Variants in RIMBP2 observed in about 807,000 individuals in gnomAD.
RIMBP2 encodes RIMS-binding protein 2.
A neutral mutation model predicts 118.6 loss-of-function variants in RIMBP2; 48 were observed. The ratio of observed to expected loss-of-function variants is 0.40; its 90% CI spans 0.32 to 0.51. RIMBP2 has a LOEUF of 0.51. Among genes scored for constraint, RIMBP2 ranks in the 20% least tolerant of loss-of-function variants. RIMBP2 has a pLI of 0.41. For missense variants in RIMBP2, 1,551 were observed against 1,768.3 expected (o/e 0.88, Z 2.20); for synonymous variants, 762 against 742.9 (o/e 1.03, Z -0.42).
At chr12:130,634,345 C>T (rs532787207) in intron 1 of RIMBP2, among the ~76,000 whole-genome samples, 2 of 152,234 alleles carry the variant, frequency 1.3e-5, no homozygotes, top group East Asian at 1.9e-4. Context: ...AGTGAGGAAG[C>T]GGGAGGAAAA....
intron 2 of RIMBP2, among the ~76,000 whole-genome samples, chr12:130,545,166 C>T (rs2054997546): frequency 6.6e-6 from 1 of 152,094 alleles, no homozygotes; most frequent in Non-Finnish European, 1.5e-5. Flanking sequence ...TTTTTAAAAA[C>T]AAGACTGTAA....
At position 130,576,721 on chromosome 12, in the gene RIMBP2, C is replaced by T. The variant is rs907831757; in HGVS notation, c.-217+51601G>A. Among the ~76,000 whole-genome samples the T allele has an allele frequency of 1.3e-5, 2 of 152,182 alleles. No individual in the cohort carries two copies. The highest frequency in any genetic ancestry group is 4.8e-5 in the African/African-American group (2 of 41,450). On this transcript the variant is annotated intron_variant, in intron 2 of 22. Transcript: ENST00000690449. This position sits in a 1 kb window ranked among gnomAD's most constrained non-coding sequence, Gnocchi z 4.2. ...ACTGCCAGCAGCAGCGAGGAGGAGC[C>T]CCGCCGAGCGCCGAGAGGCATATGT...
intron 2 of RIMBP2, among the ~76,000 whole-genome samples, chr12:130,566,720 C>T (rs1404537940): frequency 6.6e-6 from 1 of 152,262 alleles, no homozygotes; most frequent in African/African-American, 2.4e-5. Flanking sequence ...CCAGACCAGG[C>T]AGCCAGGCTG....
At chr12:130,567,696 C>G (rs77030653) in intron 2 of RIMBP2, among the ~76,000 whole-genome samples, 49 of 152,346 alleles carry the variant, frequency 3.2e-4, no homozygotes, top group South Asian at 1.4e-3. Flanking sequence ...GCAGCCACAG[C>G]GGCCAACACC....
At chr12:130,481,492 T>C (rs1028604994) in intron 4 of RIMBP2, among the ~76,000 whole-genome samples, 1 of 152,148 alleles carries the variant, frequency 6.6e-6, no homozygotes, top group African/African-American at 2.4e-5. Context: ...CTCGGCATCC[T>C]CTCTGCTGTC....
chr12:130,669,242 C>T (rs9805105), intron 1 of RIMBP2: 30,218 of 152,182 alleles, frequency 0.2, 3,427 homozygotes, highest in East Asian at 0.29. Context: ...GCAGTGTTCA[C>T]GGCACAGCAT....
intron 12 of RIMBP2, 131 bp from the exon 13 acceptor site, chr12:130,437,422 A>T: frequency 1.4e-6 from 1 of 718,842 alleles, no homozygotes; most frequent in Non-Finnish European, 2.3e-6. Context: ...GACTCCAACC[A>T]CCCGCCAGGT....
chr12:130,522,979 A>G (rs2052327042), intron 2 of RIMBP2, among the ~76,000 whole-genome samples: 1 of 149,720 alleles, frequency 6.7e-6, no homozygotes, highest in South Asian at 2.1e-4. Flanking sequence ...TCTCAGTCTC[A>G]CTCTGCCTCG....
intron 2 of RIMBP2, among the ~76,000 whole-genome samples, chr12:130,550,196 TCTA>T (rs1357878044): frequency 1.6e-4 from 24 of 152,330 alleles, no homozygotes; most frequent in African/African-American, 5.8e-4. Flanking sequence ...AGAAGGGATG[TCTA>T]CTGCATCAAC....
chr12:130,624,698 T>C lies in RIMBP2; in HGVS notation c.-217+3624A>G, dbSNP rs59829069. On this transcript the variant is annotated intron_variant, in intron 2 of 22. Transcript: ENST00000690449. The stretch of plus-strand genomic sequence containing the variant: ...AATAATTTTGTTTTTTCTTTTACTG[T>C]ACTGATTTAATTCACTTTAACTAGG... Among the ~76,000 whole-genome samples, 7 of 152,348 alleles carry C rather than the reference T, an allele frequency of 4.6e-5. No individual in the cohort carries two copies. The East Asian group carries it at 1.2e-3, about 25-fold the overall frequency.
intron 2 of RIMBP2, among the ~76,000 whole-genome samples, chr12:130,589,503 A>G (rs1163647502): frequency 6.6e-6 from 1 of 152,230 alleles, no homozygotes; most frequent in Non-Finnish European, 1.5e-5. Context: ...GGTCAGCCCC[A>G]GGACGAGATG....
chr12:130,650,774 T>A (rs867254372), intron 1 of RIMBP2, among the ~76,000 whole-genome samples: 1 of 152,008 alleles, frequency 6.6e-6, no homozygotes, highest in African/African-American at 2.4e-5. Context: ...GGGGGCAAAG[T>A]GGAGCGTCGG....
intron 2 of RIMBP2, among the ~76,000 whole-genome samples, chr12:130,601,018 C>G (rs61420279): frequency 6.6e-6 from 1 of 151,842 alleles, no homozygotes; most frequent in Non-Finnish European, 1.5e-5. Context: ...GCCGAGTACA[C>G]CCTTCATTTC....
intron 17 of RIMBP2, among the ~76,000 whole-genome samples, chr12:130,421,793 A>G (rs2076429748): frequency 6.6e-6 from 1 of 151,356 alleles, no homozygotes; most frequent in South Asian, 2.1e-4. Context: ...TACTTTTTGG[A>G]ATTCTCCTTG....
At chr12:130,531,140 C>T (rs540722316) in intron 2 of RIMBP2, among the ~76,000 whole-genome samples, 22 of 152,326 alleles carry the variant, frequency 1.4e-4, no homozygotes, top group Non-Finnish European at 3.1e-4. Context: ...AGAAATCAGA[C>T]AAAATTCCTT....
rs149641979 is a variant in RIMBP2 at position 130,475,144 on chromosome 12, G to T, written c.102+3768C>A. On this transcript the variant is annotated intron_variant, in intron 5 of 22. Coordinates refer to ENST00000690449, the MANE Select transcript of RIMBP2 (RefSeq NM_001393629.1). This position sits in a 1 kb window ranked among gnomAD's most constrained non-coding sequence, Gnocchi z 4.1. ...TGAGCTCATTGTCCCTGGATTCCGG[G>T]AGGAGAGCCCTGGGCACTTTCATCA... Among the ~76,000 whole-genome samples, 27 of 152,326 alleles carry T rather than the reference G, an allele frequency of 1.8e-4. No individual in the cohort carries two copies. Among genetic ancestry groups the T allele is most frequent in the African/African-American group, 6.5e-4 (27 of 41,576 alleles).
At position 130,493,792 on chromosome 12, in the gene RIMBP2, C is replaced by T. The variant is rs116438545; in HGVS notation, c.-4+12856G>A. Among the ~76,000 whole-genome samples, 685 of 152,318 alleles carry T rather than the reference C, an allele frequency of 4.5e-3. 5 individuals carry two copies. The highest frequency in any genetic ancestry group is 0.016 in the African/African-American group (655 of 41,556). On this transcript the variant is annotated intron_variant, in intron 4 of 22. Transcript: ENST00000690449. ...TCCATCTATATACCTGAAACCCCAT[C>T]ACAGTGTTCTACATTTTCGTTGAAG...
At chr12:130,574,540 T>A (rs1386226228) in intron 2 of RIMBP2, among the ~76,000 whole-genome samples, 1 of 152,170 alleles carries the variant, frequency 6.6e-6, no homozygotes, top group Non-Finnish European at 1.5e-5. Flanking sequence ...CCAGTGTGTG[T>A]GAGAGACATG....
chr12:130,521,261 G>C (rs144777852), intron 2 of RIMBP2, among the ~76,000 whole-genome samples: 147 of 152,292 alleles, frequency 9.7e-4, no homozygotes, highest in African/African-American at 3.4e-3. Context: ...AAGAAATTTT[G>C]CAGGAATACC....
Sources: gnomAD v4.1 joint callset for allele counts (sites outside exome capture counted in the v4.1 genomes callset) on GRCh38, gnomAD v4.1.1 for gene constraint, Gnocchi (gnomAD v3.1) non-coding constraint, MANE v1.5 for transcripts, NCBI Gene and HGNC (gene_info 2026-07-23, HGNC 2026-07-21) for gene names.